ROBO1: variants seen among roughly 807,000 people sequenced by gnomAD.
ROBO1 encodes roundabout homolog 1.
In ROBO1, 149 loss-of-function variants were observed where a neutral mutation model predicts 195.9. The observed-to-expected ratio is 0.76, with a 90% CI of 0.67 to 0.87. The LOEUF (loss-of-function observed/expected upper bound fraction) is 0.87, where lower values mean the gene tolerates loss of function less well. Ranked by LOEUF, ROBO1 falls within the 40% of genes least tolerant of loss-of-function variation. The pLI is 0.00. For synonymous variants in ROBO1, 816 were observed against 733.2 expected, an observed-to-expected ratio of 1.11 and a Z score of -1.82; for missense variants, 1,933 against 2,068.3, an observed-to-expected ratio of 0.93 and a Z score of 1.27.
At chr3:78,719,436 C>G (rs1031569909) in intron 5 of ROBO1, among the ~76,000 whole-genome samples, 1 of 151,920 alleles carries the variant, frequency 6.6e-6, no homozygotes, top group Non-Finnish European at 1.5e-5. Flanking sequence ...TTTTGAACAT[C>G]CGTCTTTCAA....
At chr3:79,496,341 A>AC (rs529266906) in intron 2 of ROBO1, among the ~76,000 whole-genome samples, 4 of 146,274 alleles carry the variant, frequency 2.7e-5, no homozygotes, top group African/African-American at 7.7e-5. Flanking sequence ...ATAAAAAAAA[A>AC]CAAATCTTTG....
At chr3:79,008,036 A>G (rs2077667406) in intron 3 of ROBO1, among the ~76,000 whole-genome samples, 1 of 152,134 alleles carries the variant, frequency 6.6e-6, no homozygotes, top group Non-Finnish European at 1.5e-5. Context: ...CCTCTCAAAT[A>G]CCTTCCCTAG....
At chr3:78,863,454 T>C (rs930437335) in intron 4 of ROBO1, among the ~76,000 whole-genome samples, 2 of 152,056 alleles carry the variant, frequency 1.3e-5, no homozygotes, top group African/African-American at 4.8e-5. Context: ...AGAAACCGTG[T>C]GAATGCAGAA....
chr3:79,647,966 T>G (rs961415295), intron 1 of ROBO1, among the ~76,000 whole-genome samples: 1 of 152,120 alleles, frequency 6.6e-6, no homozygotes, highest in African/African-American at 2.4e-5. Context: ...TTGACGTTTT[T>G]GTGACCAAAA....
At chr3:79,086,213 T>A (rs2079366963) in intron 3 of ROBO1, among the ~76,000 whole-genome samples, 2 of 151,672 alleles carry the variant, frequency 1.3e-5, no homozygotes, top group Non-Finnish European at 2.9e-5. Flanking sequence ...TAGTAAAGAA[T>A]TAAAGGTAGT....
At chr3:78,832,194 C>T (rs2032287982) in intron 4 of ROBO1, among the ~76,000 whole-genome samples, 1 of 152,188 alleles carries the variant, frequency 6.6e-6, no homozygotes, top group Admixed American at 6.5e-5. Flanking sequence ...GAAAGAGATT[C>T]ATTTTCTCCA....
intron 4 of ROBO1, among the ~76,000 whole-genome samples, chr3:78,793,638 G>C (rs1467718189): frequency 6.6e-6 from 1 of 152,114 alleles, no homozygotes; most frequent in Non-Finnish European, 1.5e-5. Flanking sequence ...TTGTGTTAAT[G>C]ACTGAACCCT....
chr3:79,445,488 T>G (rs1159389045), intron 2 of ROBO1, among the ~76,000 whole-genome samples: 5 of 149,074 alleles, frequency 3.4e-5, no homozygotes, highest in African/African-American at 7.4e-5. Flanking sequence ...ATTGTTTTTT[T>G]TTTTTTTTTT....
At chr3:79,673,670 T>TTTAA in intron 1 of ROBO1, among the ~76,000 whole-genome samples, 1 of 152,026 alleles carries the variant, frequency 6.6e-6, no homozygotes, top group Non-Finnish European at 1.5e-5. Context: ...TATTTTTGAA[T>TTTAA]AGCAAGAATA....
intron 2 of ROBO1, among the ~76,000 whole-genome samples, chr3:79,584,639 ATGTT>A (rs1943767375): frequency 7.9e-6 from 1 of 126,694 alleles, no homozygotes; most frequent in African/African-American, 3.7e-5. Flanking sequence ...GTGTGTGTGT[ATGTT>A]CATACACACA....
In ROBO1 at chr3:78,652,039, T is replaced by C; in HGVS notation, c.2615-110A>G. On this transcript the variant is annotated intron_variant, in intron 18 of 30. Transcript: ENST00000464233. ...AATTTCTGGATAATGATTTCTGTTT[T>C]TCCTCTCACACCACTCACCATCATC... The C allele has an allele frequency of 3.5e-6, 3 of 851,992 alleles. No individual in the cohort carries two copies. In the East Asian group the frequency reaches 7.7e-5, roughly 22 times the overall value. 52.8% of individuals were successfully genotyped at this position (851,992 alleles called of 1,614,324 possible). A position where few individuals can be genotyped will look rare whatever the true frequency, so the allele number is the denominator to read the frequency against.
At position 78,661,218 on chromosome 3, in the gene ROBO1, TAGAG is replaced by T; in HGVS notation, c.2128_2131del (p.Leu710IlefsTer14). 1 of 1,612,984 alleles carries T rather than the reference TAGAG, an allele frequency of 6.2e-7. No individual in the cohort carries two copies. Among genetic ancestry groups the T allele is most frequent in the Non-Finnish European group, 8.5e-7 (1 of 1,179,414 alleles). On this transcript the variant is annotated frameshift_variant, in exon 16 of 31. Transcript: ENST00000464233. LOFTEE classifies it high-confidence loss of function. ...TCCGTGGTTGGCTCCAGATGGCCGA[TAGAG>T]AATTTTATATCCTTGTATATACTGA...
chr3:79,346,278 A>G (rs1420532229), intron 2 of ROBO1, among the ~76,000 whole-genome samples: 1 of 152,106 alleles, frequency 6.6e-6, no homozygotes, highest in Non-Finnish European at 1.5e-5. Flanking sequence ...GATAATCAAG[A>G]TATTATGGCT....
chr3:78,978,720 T>C (rs905415144), intron 3 of ROBO1, among the ~76,000 whole-genome samples: 1 of 152,068 alleles, frequency 6.6e-6, no homozygotes, highest in African/African-American at 2.4e-5. Flanking sequence ...GTACAGTATA[T>C]AAAAAAGAAG....
rs116452783 is a variant in ROBO1 at position 79,019,269 on chromosome 3, G to C, written c.173-80342C>G. 1.1e-3 allele frequency: 1,041 copies of C among 985,878 alleles called. 8 individuals carry two copies. The African/African-American group carries it at 0.017, about 16-fold the overall frequency. The allele number at this position is 985,878 out of a possible 1,614,324, so 61.1% of individuals were successfully genotyped here. A position where few individuals can be genotyped will look rare whatever the true frequency, so the allele number is the denominator to read the frequency against. ...ACGCAGAAGCCCAAACTTCCTGGGGGCAGCTGCCTGCACCCCTGGCTCGTG... is the reference window on the plus strand; with the variant it reads ...ACGCAGAAGCCCAAACTTCCTGGGGCCAGCTGCCTGCACCCCTGGCTCGTG... On this transcript the variant is annotated intron_variant, in intron 3 of 30. Transcript: ENST00000464233.
rs183483860 is a variant in ROBO1 at position 79,478,346 on chromosome 3, G to C, written c.88+111478C>G. On this transcript the variant is annotated intron_variant, in intron 2 of 30. Transcript: ENST00000464233. ...GCATTCAGCAATAACCAAGGGTTAA[G>C]AAATACAGCTTATTCAACCTGGAAC... Among the ~76,000 whole-genome samples, 37 of 152,110 alleles carry C rather than the reference G, an allele frequency of 2.4e-4. No homozygotes were observed. The East Asian group carries it at 6.8e-3, about 28-fold the overall frequency.
chr3:78,760,810 T>C (rs1211410836), intron 4 of ROBO1, among the ~76,000 whole-genome samples: 2 of 150,904 alleles, frequency 1.3e-5, no homozygotes, highest in Admixed American at 1.3e-4. Context: ...CCCAGCCAAA[T>C]TTTTATTTTT....
chr3:79,256,914 T>C (rs1168190670), intron 2 of ROBO1, among the ~76,000 whole-genome samples: 1 of 152,178 alleles, frequency 6.6e-6, no homozygotes, highest in Non-Finnish European at 1.5e-5. Context: ...CTTAGTAACC[T>C]CTAAATTTTT....
intron 4 of ROBO1, among the ~76,000 whole-genome samples, chr3:78,866,339 A>G (rs894477441): frequency 1.3e-5 from 2 of 152,182 alleles, no homozygotes; most frequent in African/African-American, 4.8e-5. Context: ...ACAGGACAGC[A>G]TTTCCCATGG....
Sources: gnomAD v4.1 joint callset for allele counts (sites outside exome capture counted in the v4.1 genomes callset) on GRCh38, gnomAD v4.1.1 for gene constraint, MANE v1.5 for transcripts, NCBI Gene and HGNC (gene_info 2026-07-23, HGNC 2026-07-21) for gene names.